The following INVS variants were observed in gnomAD, a reference collection of about 807,000 sequenced individuals.
INVS encodes the protein inversion of embryo turning homolog.
INVS carries 86 observed loss-of-function variants against 108.8 expected under a neutral mutation model. That is an observed-to-expected ratio of 0.79 (90% CI 0.66 to 0.95). The LOEUF (loss-of-function observed/expected upper bound fraction) is 0.95. INVS is among the 40% of genes least tolerant of loss of function. The pLI, the probability that INVS is intolerant of heterozygous loss-of-function variation, is 0.00. For missense variants in INVS, 1,169 were observed against 1,297.4 expected, an observed-to-expected ratio of 0.90 and a Z score of 1.52; for synonymous variants, 455 against 473.5, an observed-to-expected ratio of 0.96 and a Z score of 0.51.
At chr9:100,237,288 C>A (rs1180162430) in intron 5 of INVS, among the ~76,000 whole-genome samples, 1 of 152,176 alleles carries the variant, frequency 6.6e-6, no homozygotes, top group Non-Finnish European at 1.5e-5. Context: ...TCTTAGCTTT[C>A]TGGGCTCCAG....
At chr9:100,117,771 C>T (rs960549541) in intron 2 of INVS, 15 of 500,426 alleles carry the variant, frequency 3.0e-5, no homozygotes, top group Non-Finnish European at 5.2e-5. Flanking sequence ...CTCCAAAATT[C>T]ATATGTTTGA....
At chr9:100,193,137 C>T (rs950890597) in intron 3 of INVS, among the ~76,000 whole-genome samples, 11 of 151,994 alleles carry the variant, frequency 7.2e-5, no homozygotes, top group African/African-American at 2.4e-4. Flanking sequence ...GCCACCATAC[C>T]CAGCTAATTT....
chr9:100,246,263 TAAATA>T (rs1193180023), intron 7 of INVS, among the ~76,000 whole-genome samples: 1 of 152,150 alleles, frequency 6.6e-6, no homozygotes, highest in Non-Finnish European at 1.5e-5. Flanking sequence ...TGGTCATTAA[TAAATA>T]AAACACTGAA....
chr9:100,175,283 C>A, intron 3 of INVS: 1 of 670,726 alleles, frequency 1.5e-6, no homozygotes, highest in South Asian at 1.5e-5. Context: ...AACAAACTAT[C>A]CATCCTTGCA....
chr9:100,123,746 C>A (rs147300685), intron 2 of INVS, among the ~76,000 whole-genome samples: 79 of 152,332 alleles, frequency 5.2e-4, no homozygotes, highest in African/African-American at 1.9e-3. Context: ...ATTTTGATTT[C>A]TCCATATTCT....
At chr9:100,293,414 T>A (rs1309053914) in intron 14 of INVS, among the ~76,000 whole-genome samples, 1 of 152,222 alleles carries the variant, frequency 6.6e-6, no homozygotes, top group Non-Finnish European at 1.5e-5. Flanking sequence ...TAATAATTGT[T>A]GCACATGTCC....
At chr9:100,293,660 T>C (rs1395261283) in intron 14 of INVS, among the ~76,000 whole-genome samples, 1 of 152,014 alleles carries the variant, frequency 6.6e-6, no homozygotes, top group African/African-American at 2.4e-5. Context: ...GGAGTGGGGG[T>C]GAAGGCTGTC....
chr9:100,247,545 T>C (rs774747075), intron 8 of INVS, among the ~76,000 whole-genome samples: 11 of 151,942 alleles, frequency 7.2e-5, no homozygotes, highest in Non-Finnish European at 1.3e-4. Context: ...CTCCATGTTA[T>C]TTTTTTTATT....
intron 5 of INVS, among the ~76,000 whole-genome samples, chr9:100,237,405 CA>C (rs1170430149): frequency 6.6e-6 from 1 of 151,996 alleles, no homozygotes; most frequent in Non-Finnish European, 1.5e-5. Context: ...CACTGGGGTA[CA>C]AAAAAGAACT....
intron 2 of INVS, among the ~76,000 whole-genome samples, chr9:100,121,888 C>T (rs555385591): frequency 3.3e-5 from 5 of 152,224 alleles, no homozygotes; most frequent in Admixed American, 6.5e-5. Context: ...AAGAACCTTA[C>T]AACAACATGT....
At chr9:100,248,647 A>G (rs1016819113) in intron 8 of INVS, among the ~76,000 whole-genome samples, 5 of 152,186 alleles carry the variant, frequency 3.3e-5, no homozygotes, top group Admixed American at 2.0e-4. Context: ...TGATAACAGC[A>G]TTATGGTTTT....
chr9:100,292,868 T>G lies in INVS; in HGVS notation c.2611T>G (p.Phe871Val). The change falls in exon 14 of 17, where the codon TTT becomes GTT. Residue 871 changes from phenylalanine (F) to valine (V), a missense_variant. Around this residue, in one of 3 missense-constraint regions of INVS, gnomAD observed 533 missense variants for 536.0 expected, o/e 0.99. Transcript: ENST00000262457. ...GGAGACATCTACCCTGTCCGAGGAC[T>G]TTCAGGTATCTAAGGAGACTGATCC... ...RLETSTLSED[F>V]QVSKETDPAP... 6.2e-7 allele frequency: 1 copy of G among 1,614,146 alleles called. No individual in the cohort carries two copies. The highest frequency in any genetic ancestry group is 8.5e-7 in the Non-Finnish European group (1 of 1,180,034).
chr9:100,255,055 A>T (rs2118575369), intron 10 of INVS, among the ~76,000 whole-genome samples: 1 of 152,268 alleles, frequency 6.6e-6, no homozygotes, highest in South Asian at 2.1e-4. Context: ...ATGAGCATGG[A>T]ATGTTCTTCC....
chr9:100,209,465 C>G (rs1318008198), intron 3 of INVS, among the ~76,000 whole-genome samples: 3 of 152,068 alleles, frequency 2.0e-5, no homozygotes, highest in African/African-American at 7.2e-5. Context: ...TCATGTCCCT[C>G]CCTTACTTAA....
intron 10 of INVS, among the ~76,000 whole-genome samples, chr9:100,263,914 C>T (rs561748734): frequency 2.0e-5 from 3 of 152,192 alleles, no homozygotes; most frequent in South Asian, 4.1e-4. Context: ...CTTTACTGCT[C>T]TTTTGTCTGC....
At chr9:100,253,589 G>A (rs1179483504) in intron 10 of INVS, among the ~76,000 whole-genome samples, 5 of 151,844 alleles carry the variant, frequency 3.3e-5, no homozygotes, top group South Asian at 2.1e-4. Context: ...ACCAGCCCCC[G>A]GTGTGTGATG....
At chr9:100,294,124 T>C (rs1432377843) in intron 14 of INVS, among the ~76,000 whole-genome samples, 3 of 152,140 alleles carry the variant, frequency 2.0e-5, no homozygotes. Context: ...GCCATCACCA[T>C]GCCACAGAAC....
At chr9:100,207,835 C>G (rs1830719563) in intron 3 of INVS, among the ~76,000 whole-genome samples, 2 of 152,076 alleles carry the variant, frequency 1.3e-5, no homozygotes, top group African/African-American at 4.8e-5. Context: ...ATATGTAAAG[C>G]ATAAAATTTC....
chr9:100,141,125 G>A (rs1019637096), intron 3 of INVS, among the ~76,000 whole-genome samples: 5 of 152,162 alleles, frequency 3.3e-5, no homozygotes, highest in Admixed American at 6.6e-5. Context: ...ACAGTGAATA[G>A]GAGTATGATT....
Sources: gnomAD v4.1 joint callset for allele counts (sites outside exome capture counted in the v4.1 genomes callset) on GRCh38, gnomAD v4.1.1 for gene constraint, gnomAD v4.1.1 regional missense constraint, MANE v1.5 for transcripts, NCBI Gene and HGNC (gene_info 2026-07-23, HGNC 2026-07-21) for gene names.